The following SIPA1L2 variants were observed in gnomAD, a reference collection of about 807,000 sequenced individuals.
SIPA1L2 encodes signal-induced proliferation-associated 1-like protein 2.
In SIPA1L2, 56 loss-of-function variants were observed where a neutral mutation model predicts 163.9. The observed-to-expected ratio is 0.34, with a 90% CI of 0.28 to 0.43. The LOEUF is 0.43. Among genes scored for constraint, SIPA1L2 ranks in the 20% least tolerant of loss-of-function variants. SIPA1L2 has a pLI of 1.00. For synonymous variants in SIPA1L2, 877 were observed against 865.7 expected (o/e 1.01, Z -0.23); for missense variants, 1,974 against 2,193.5 (o/e 0.90, Z 2.00).
At chr1:232,537,848 A>C (rs1420587605) in intron 2 of SIPA1L2, among the ~76,000 whole-genome samples, 4 of 152,240 alleles carry the variant, frequency 2.6e-5, no homozygotes, top group Non-Finnish European at 4.4e-5. Context: ...TGTGTTCCAC[A>C]GTTATTATTG....
intron 1 of SIPA1L2, among the ~76,000 whole-genome samples, chr1:232,629,295 C>T (rs1341369429): frequency 6.6e-6 from 1 of 152,184 alleles, no homozygotes; most frequent in Non-Finnish European, 1.5e-5. Flanking sequence ...CTCACTGACA[C>T]GGGAAGACCC....
intron 18 of SIPA1L2, among the ~76,000 whole-genome samples, chr1:232,416,179 C>A (rs1661253020): frequency 6.6e-6 from 1 of 152,178 alleles, no homozygotes; most frequent in South Asian, 2.1e-4. Context: ...ACAGCACAGG[C>A]AATGCTATCC....
chr1:232,418,736 G>T (rs1178792025), intron 18 of SIPA1L2, among the ~76,000 whole-genome samples: 1 of 152,210 alleles, frequency 6.6e-6, no homozygotes, highest in Non-Finnish European at 1.5e-5. Context: ...AAGGACATTT[G>T]TTGGTGACAT....
intron 7 of SIPA1L2, among the ~76,000 whole-genome samples, chr1:232,472,386 T>C (rs1664844117): frequency 6.6e-6 from 1 of 152,208 alleles, no homozygotes; most frequent in South Asian, 2.1e-4. Flanking sequence ...CACAGAAGTG[T>C]CATACTGACT....
At chr1:232,516,552 T>G (rs975901333) in intron 2 of SIPA1L2, among the ~76,000 whole-genome samples, 5 of 152,344 alleles carry the variant, frequency 3.3e-5, no homozygotes, top group African/African-American at 1.2e-4. Context: ...TTTCCCTGTT[T>G]GCCATATCCT....
intron 2 of SIPA1L2, among the ~76,000 whole-genome samples, chr1:232,527,158 A>G (rs982819795): frequency 8.5e-5 from 13 of 152,230 alleles, no homozygotes; most frequent in African/African-American, 2.7e-4. Flanking sequence ...AACTTGTCCT[A>G]AAATAAAACA....
chr1:232,468,978 G>T lies in SIPA1L2; in HGVS notation c.2243+2393C>A, dbSNP rs1036480580. 1.3e-4 allele frequency among the ~76,000 whole-genome samples: 20 copies of T among 152,282 alleles called. No individual in the cohort carries two copies. The East Asian group carries it at 3.5e-3, about 26-fold the overall frequency. On this transcript the variant is annotated intron_variant, in intron 8 of 22. Coordinates refer to ENST00000674635, the MANE Select transcript of SIPA1L2 (RefSeq NM_020808.5). ...TGCCTCATTTCTCCTAGTTCCAGTG[G>T]ACCCAGCATAACTGCTCGAGCATTC...
intron 3 of SIPA1L2, among the ~76,000 whole-genome samples, chr1:232,499,905 C>T (rs1443153144): frequency 6.6e-6 from 1 of 152,178 alleles, no homozygotes; most frequent in East Asian, 1.9e-4. Context: ...AAAATTATGC[C>T]AAACTACTCT....
At chr1:232,421,547 T>C (rs1195663796) in intron 18 of SIPA1L2, among the ~76,000 whole-genome samples, 1 of 152,162 alleles carries the variant, frequency 6.6e-6, no homozygotes, top group African/African-American at 2.4e-5. Context: ...GAAAGAAGTA[T>C]TACACTGAAT....
intron 7 of SIPA1L2, among the ~76,000 whole-genome samples, chr1:232,475,558 C>T (rs1457651872): frequency 6.6e-6 from 1 of 152,152 alleles, no homozygotes; most frequent in Non-Finnish European, 1.5e-5. Context: ...GCAACATATA[C>T]ACCTTACCAC....
At chr1:232,630,237 G>A (rs1269040469), upstream of SIPA1L2, among the ~76,000 whole-genome samples, 1 of 151,694 alleles carries the variant, frequency 6.6e-6, no homozygotes, top group African/African-American at 2.4e-5. Context: ...CCTCGGCCCC[G>A]CCCCACGATT....
intron 2 of SIPA1L2, among the ~76,000 whole-genome samples, chr1:232,563,947 T>A (rs1188283169): frequency 7.0e-6 from 1 of 142,542 alleles, no homozygotes; most frequent in South Asian, 2.2e-4. Flanking sequence ...AAGGTTTGTT[T>A]TTTTTTTTCG....
At chr1:232,600,864 C>T (rs1467282858) in intron 1 of SIPA1L2, among the ~76,000 whole-genome samples, 5 of 152,186 alleles carry the variant, frequency 3.3e-5, no homozygotes, top group Admixed American at 1.3e-4. Flanking sequence ...GCCTACACAG[C>T]AATGTCACCC....
At chr1:232,501,651 T>C (rs1310937325) in intron 3 of SIPA1L2, among the ~76,000 whole-genome samples, 2 of 152,186 alleles carry the variant, frequency 1.3e-5, no homozygotes, top group African/African-American at 4.8e-5. Context: ...TAAATCTTAT[T>C]TCCCACCTGA....
chr1:232,454,994 G>T (rs893143571), intron 10 of SIPA1L2, among the ~76,000 whole-genome samples: 1 of 152,198 alleles, frequency 6.6e-6, no homozygotes, highest in African/African-American at 2.4e-5. Flanking sequence ...CACAGTTCCT[G>T]GCACAAGCTA....
At chr1:232,558,334 T>C (rs1196721126) in intron 2 of SIPA1L2, among the ~76,000 whole-genome samples, 2 of 152,206 alleles carry the variant, frequency 1.3e-5, no homozygotes, top group Non-Finnish European at 2.9e-5. Flanking sequence ...GGGAGTCCTC[T>C]CCTGGGCAGT....
intron 7 of SIPA1L2, among the ~76,000 whole-genome samples, chr1:232,473,180 T>G (rs891877728): frequency 6.6e-6 from 1 of 152,242 alleles, no homozygotes; most frequent in Non-Finnish European, 1.5e-5. Context: ...CTTTACTCTT[T>G]TCTCCAAAAA....
At chr1:232,547,533 A>G (rs1295112216) in intron 2 of SIPA1L2, among the ~76,000 whole-genome samples, 2 of 147,062 alleles carry the variant, frequency 1.4e-5, no homozygotes, top group Non-Finnish European at 3.0e-5. Context: ...TTTTCACAGT[A>G]ATCAAAATGT....
chr1:232,414,559 C>T (rs1296045690), intron 19 of SIPA1L2, among the ~76,000 whole-genome samples: 1 of 152,102 alleles, frequency 6.6e-6, no homozygotes, highest in African/African-American at 2.4e-5. Context: ...GCCCTGAGGC[C>T]TGAGAAGGCA....
Sources: allele counts gnomAD v4.1 joint callset (sites outside exome capture counted in the v4.1 genomes callset), GRCh38; gene constraint gnomAD v4.1.1; transcripts MANE v1.5; gene names NCBI Gene and HGNC (gene_info 2026-07-23, HGNC 2026-07-21).